Variants in NEBL observed in about 807,000 individuals in gnomAD.
NEBL encodes LIM and SH3 protein 2.
A neutral mutation model predicts 140.2 loss-of-function variants in NEBL; 122 were observed. The ratio of observed to expected loss-of-function variants is 0.87; its 90% CI spans 0.75 to 1.01. NEBL has a LOEUF of 1.01. Among genes scored for constraint, NEBL ranks in the 50% least tolerant of loss-of-function variants. The pLI is 0.00. For missense variants in NEBL, 1,365 were observed against 1,231.3 expected (o/e 1.11, Z -1.62); for synonymous variants, 436 against 398.9 (o/e 1.09, Z -1.11).
intron 1 of NEBL, among the ~76,000 whole-genome samples, chr10:21,285,541 T>C (rs189205761): frequency 2.0e-5 from 3 of 152,340 alleles, no homozygotes; most frequent in East Asian, 1.9e-4. Flanking sequence ...CCCTAAGATA[T>C]ATAAAACTAA....
rs541216585 is a variant in NEBL at position 20,867,507 on chromosome 10, T to C, written c.684+1157A>G. On this transcript the variant is annotated intron_variant, in intron 7 of 27. Coordinates refer to ENST00000377122, the MANE Select transcript of NEBL (RefSeq NM_006393.3). ...GTTGACTCTGCAAACATTACCTTTT[T>C]CATTCAGAGAGTTTTTCATTTTTAC... Among the ~76,000 whole-genome samples, 3 of 152,314 alleles carry C rather than the reference T, an allele frequency of 2.0e-5. No individual in the cohort carries two copies. The South Asian group carries it at 6.2e-4, about 32-fold the overall frequency.
intron 2 of NEBL, among the ~76,000 whole-genome samples, chr10:21,083,941 A>G (rs191160080): frequency 1.3e-3 from 198 of 152,306 alleles, no homozygotes; most frequent in African/African-American, 4.5e-3. Flanking sequence ...ACCTTTTCTT[A>G]CTGAAGAGCC....
At chr10:21,214,508 A>G (rs1231904231) in intron 3 of NEBL, among the ~76,000 whole-genome samples, 2 of 149,150 alleles carry the variant, frequency 1.3e-5, no homozygotes, top group East Asian at 2.1e-4. Flanking sequence ...ACATGCACAC[A>G]CATGCACACA....
intron 3 of NEBL, among the ~76,000 whole-genome samples, chr10:20,963,193 A>T (rs1836139426): frequency 6.6e-6 from 1 of 152,228 alleles, no homozygotes; most frequent in South Asian, 2.1e-4. Flanking sequence ...TCCACATAAA[A>T]TGCTGAGAGA....
chr10:21,259,970 C>T (rs1842718043), intron 1 of NEBL, among the ~76,000 whole-genome samples: 1 of 152,166 alleles, frequency 6.6e-6, no homozygotes, highest in Non-Finnish European at 1.5e-5. Context: ...TTGGAGTAAA[C>T]CTGATACCAC....
chr10:20,894,860 C>T (rs943969798), intron 2 of NEBL, among the ~76,000 whole-genome samples: 1 of 142,652 alleles, frequency 7.0e-6, no homozygotes, highest in African/African-American at 2.6e-5. Context: ...ACCCAGGAGG[C>T]GGAGCTTGCA....
chr10:21,246,230 C>A (rs1842515337), intron 3 of NEBL, among the ~76,000 whole-genome samples: 1 of 152,172 alleles, frequency 6.6e-6, no homozygotes, highest in Non-Finnish European at 1.5e-5. Flanking sequence ...TTTGTTCTAC[C>A]AAGTGATGGT....
chr10:20,824,405 G>T (rs1463588731), intron 18 of NEBL, among the ~76,000 whole-genome samples: 1 of 152,124 alleles, frequency 6.6e-6, no homozygotes, highest in Admixed American at 6.5e-5. Flanking sequence ...AAGTAACAAT[G>T]CCAATATTAG....
In NEBL at chr10:21,049,473, A is replaced by G. The variant is rs77078981; in HGVS notation, c.165-29272T>C. Among the ~76,000 whole-genome samples, 1,300 of 152,148 alleles carry G rather than the reference A, an allele frequency of 8.5e-3. 41 individuals carry two copies. In the East Asian group the frequency reaches 0.089, roughly 10 times the overall value. On this transcript the variant is annotated intron_variant, in intron 2 of 6. Coordinates refer to the NEBL transcript ENST00000417816. ...ATTACACGTCAGAACCAAACTCAAC[A>G]GGGATGAGACACCACATCACTCCAG...
chr10:20,844,077 G>C (rs1050974156), intron 12 of NEBL, among the ~76,000 whole-genome samples: 1 of 152,112 alleles, frequency 6.6e-6, no homozygotes, highest in Non-Finnish European at 1.5e-5. Flanking sequence ...AGTGAGAAAA[G>C]ATAGTGCAGC....
In NEBL at chr10:20,997,242, G is replaced by A. The variant is rs116684157; in HGVS notation, c.249+22875C>T. The stretch of plus-strand genomic sequence containing the variant: ...AAACATTTACAATGGTGGGGTTGCA[G>A]AGATAATGGGATCAGCAGGCTCCCT... On this transcript the variant is annotated intron_variant, in intron 3 of 6. Coordinates refer to the NEBL transcript ENST00000417816. 4.9e-3 allele frequency among the ~76,000 whole-genome samples: 742 copies of A among 152,164 alleles called. 6 individuals carry two copies. Among genetic ancestry groups the A allele is most frequent in the African/African-American group, 0.017 (707 of 41,518 alleles).
Position 20,812,288 on chromosome 10 carries a change from TG to T in NEBL, c.2518+480del, listed in dbSNP as rs555474525. 2.6e-5 allele frequency among the ~76,000 whole-genome samples: 4 copies of T among 152,268 alleles called. No homozygotes were observed. In the East Asian group the frequency reaches 7.7e-4, roughly 29 times the overall value. ...CAACCATTGTGATCACTCATATCTC[TG>T]CTGCTTCTTTGCTTAACAAGGAGGA... On this transcript the variant is annotated intron_variant, in intron 24 of 27. Transcript: ENST00000377122.
chr10:20,940,000 C>A (rs1834761143), intron 4 of NEBL, among the ~76,000 whole-genome samples: 1 of 149,654 alleles, frequency 6.7e-6, no homozygotes, highest in South Asian at 2.1e-4. Context: ...ACTTTAACAA[C>A]CCACTGTCAA....
At chr10:21,031,705 C>A (rs1168509784) in intron 2 of NEBL, among the ~76,000 whole-genome samples, 1 of 152,210 alleles carries the variant, frequency 6.6e-6, no homozygotes, top group Non-Finnish European at 1.5e-5. Context: ...TGGGCAGTTT[C>A]TCCTTCTACC....
intron 1 of NEBL, among the ~76,000 whole-genome samples, chr10:21,262,262 G>C (rs901701161): frequency 5.3e-5 from 8 of 152,190 alleles, no homozygotes; most frequent in African/African-American, 1.2e-4. Flanking sequence ...GAGGATCGCT[G>C]TGTCTCTGAA....
intron 2 of NEBL, among the ~76,000 whole-genome samples, chr10:21,117,963 T>A (rs1269145856): frequency 6.6e-6 from 1 of 151,396 alleles, no homozygotes; most frequent in Non-Finnish European, 1.5e-5. Flanking sequence ...TATAGTGAGG[T>A]TTAACTGAGA....
At chr10:20,792,330 C>T (rs778149220) in intron 26 of NEBL, among the ~76,000 whole-genome samples, 2 of 152,110 alleles carry the variant, frequency 1.3e-5, no homozygotes, top group Non-Finnish European at 2.9e-5. Context: ...TTTTCTAACA[C>T]TTGACTACTG....
At chr10:20,842,239 G>C (rs1225098312) in intron 12 of NEBL, among the ~76,000 whole-genome samples, 1 of 152,056 alleles carries the variant, frequency 6.6e-6, no homozygotes. Flanking sequence ...GGAATGATCT[G>C]AGTCAAATGA....
intron 4 of NEBL, among the ~76,000 whole-genome samples, chr10:20,929,058 G>A (rs1056461767): frequency 4.6e-5 from 7 of 152,046 alleles, no homozygotes; most frequent in African/African-American, 1.7e-4. Context: ...AAAGGTTGGA[G>A]ATCTTTGAGA....
Sources: allele counts gnomAD v4.1 joint callset (sites outside exome capture counted in the v4.1 genomes callset), GRCh38; gene constraint gnomAD v4.1.1; transcripts MANE v1.5; gene names NCBI Gene and HGNC (gene_info 2026-07-23, HGNC 2026-07-21).